LMO7: variants seen among roughly 807,000 people sequenced by gnomAD.
LMO7 encodes LIM domain 7, also known as LIM domain only protein 7.
In LMO7, 120 loss-of-function variants were observed where a neutral mutation model predicts 206.5. The ratio of observed to expected loss-of-function variants is 0.58; its 90% CI spans 0.50 to 0.68. The LOEUF (loss-of-function observed/expected upper bound fraction) is 0.68, where lower values mean the gene tolerates loss of function less well. Ranked by LOEUF, LMO7 falls within the 30% of genes least tolerant of loss-of-function variation. LMO7 has a pLI of 0.00. For missense variants in LMO7, 1,959 were observed against 1,957.9 expected, an observed-to-expected ratio of 1.00 and a Z score of -0.01; for synonymous variants, 706 against 681.5, an observed-to-expected ratio of 1.04 and a Z score of -0.56.
chr13:75,809,890 G>GGC (rs2056110708), intron 11 of LMO7, among the ~76,000 whole-genome samples: 1 of 144,398 alleles, frequency 6.9e-6, no homozygotes. Flanking sequence ...GGAGTGAAGT[G>GGC]GCGCAATCTT....
At chr13:75,761,239 A>G (rs913044809) in intron 4 of LMO7, among the ~76,000 whole-genome samples, 23 of 152,284 alleles carry the variant, frequency 1.5e-4, no homozygotes, top group African/African-American at 4.8e-4. Flanking sequence ...AACTCATAAC[A>G]TAGCATAGTC....
At chr13:75,645,785 C>T (rs1186177823) in intron 1 of LMO7, among the ~76,000 whole-genome samples, 3 of 152,162 alleles carry the variant, frequency 2.0e-5, no homozygotes, top group Non-Finnish European at 4.4e-5. Flanking sequence ...TTCCATTTCA[C>T]TTGGTGTTTC....
intron 1 of LMO7, among the ~76,000 whole-genome samples, chr13:75,708,124 T>C (rs145353445): frequency 6.6e-6 from 1 of 152,336 alleles, no homozygotes; most frequent in East Asian, 1.9e-4. Context: ...TGGCATGTAC[T>C]GTTTAACCAC....
At chr13:75,626,015 G>T (rs1332665783) in intron 2 of LMO7, among the ~76,000 whole-genome samples, 4 of 152,208 alleles carry the variant, frequency 2.6e-5, no homozygotes, top group Non-Finnish European at 5.9e-5. Flanking sequence ...TTCACATTGT[G>T]TAGAGGTGAG....
intron 14 of LMO7, among the ~76,000 whole-genome samples, chr13:75,822,730 C>T (rs1392890201): frequency 2.2e-5 from 3 of 139,280 alleles, no homozygotes; most frequent in East Asian, 2.1e-4. Flanking sequence ...TACATTACTT[C>T]GGCAGTGTGT....
chr13:75,660,252 C>T (rs1292561932), intron 1 of LMO7, among the ~76,000 whole-genome samples: 2 of 152,208 alleles, frequency 1.3e-5, no homozygotes, highest in Non-Finnish European at 2.9e-5. Context: ...TAAAAAAGTA[C>T]ACCTTAGCTG....
At position 75,823,557 on chromosome 13, in the gene LMO7, T is replaced by C. The variant is rs140740070; in HGVS notation, c.2641-8T>C. ...ATATCAAGTTTAAAATGATGTTTTC[T>C]TATTTAGATGGATGATGCTTGGAAG... On this transcript the variant is annotated splice_polypyrimidine_tract_variant and splice_region_variant and intron_variant, in intron 14 of 30. Coordinates refer to ENST00000377534, the MANE Select transcript of LMO7 (RefSeq NM_001306080.2). The C allele has an allele frequency of 1.9e-6, 3 of 1,579,182 alleles. No homozygotes were observed. In the East Asian group the frequency reaches 6.8e-5, roughly 36 times the overall value.
intron 1 of LMO7, among the ~76,000 whole-genome samples, chr13:75,707,908 A>C (rs932150079): frequency 6.6e-6 from 1 of 151,998 alleles, no homozygotes; most frequent in Non-Finnish European, 1.5e-5. Context: ...TTGCCTTTCT[A>C]TCATCTTTTT....
intron 1 of LMO7, among the ~76,000 whole-genome samples, chr13:75,679,666 G>T (rs2040311661): frequency 6.6e-6 from 1 of 152,158 alleles, no homozygotes; most frequent in Non-Finnish European, 1.5e-5. Context: ...CTGCAGCCTT[G>T]ACCTCCTGGA....
At chr13:75,822,673 G>A (rs1377416238) in intron 14 of LMO7, among the ~76,000 whole-genome samples, 2 of 149,938 alleles carry the variant, frequency 1.3e-5, no homozygotes, top group African/African-American at 2.5e-5. Context: ...TAAAAACATC[G>A]AAAATATCTA....
intron 1 of LMO7, among the ~76,000 whole-genome samples, chr13:75,649,323 G>A (rs759693029): frequency 5.9e-5 from 9 of 152,166 alleles, no homozygotes; most frequent in Non-Finnish European, 1.3e-4. Flanking sequence ...TCTGTTAGGA[G>A]GACAGGAAGA....
chr13:75,785,211 A>G (rs1486891754), intron 4 of LMO7, among the ~76,000 whole-genome samples: 1 of 152,180 alleles, frequency 6.6e-6, no homozygotes, highest in African/African-American at 2.4e-5. Flanking sequence ...TTTGGGATTA[A>G]GAAAGAAGTA....
intron 2 of LMO7, among the ~76,000 whole-genome samples, chr13:75,625,259 G>A (rs1202273109): frequency 6.6e-6 from 1 of 152,162 alleles, no homozygotes; most frequent in East Asian, 1.9e-4. Context: ...TATTTATGCA[G>A]TATTATTTCT....
At position 75,704,033 on chromosome 13, in the gene LMO7, G is replaced by C. The variant is rs78842133; in HGVS notation, c.70-9149G>C. Among the ~76,000 whole-genome samples, 1,427 of 152,238 alleles carry C rather than the reference G, an allele frequency of 9.4e-3. 21 individuals carry two copies. The highest frequency in any genetic ancestry group is 0.056 in the East Asian group (291 of 5,184). On this transcript the variant is annotated intron_variant, in intron 1 of 30. Coordinates refer to ENST00000377534, the MANE Select transcript of LMO7 (RefSeq NM_001306080.2). ...TTATTATAAAAATTTGATGTGTTTT[G>C]TGGAGTCATGGAGATCATATAATGG...
chr13:75,776,128 T>TACATAC (rs151121121), intron 4 of LMO7, among the ~76,000 whole-genome samples: 25 of 82,722 alleles, frequency 3.0e-4, no homozygotes, highest in South Asian at 8.3e-4. Context: ...CATACATACA[T>TACATAC]ATATATATAT....
intron 1 of LMO7, among the ~76,000 whole-genome samples, chr13:75,672,308 C>T (rs1231207955): frequency 6.8e-6 from 1 of 148,142 alleles, no homozygotes; most frequent in Non-Finnish European, 1.5e-5. Flanking sequence ...ATGGCACAAT[C>T]TCCACTCACC....
At chr13:75,731,764 G>T (rs1487288006) in intron 3 of LMO7, among the ~76,000 whole-genome samples, 1 of 152,090 alleles carries the variant, frequency 6.6e-6, no homozygotes, top group Non-Finnish European at 1.5e-5. Context: ...GTGGCGGCTG[G>T]TATCAGTTGT....
chr13:75,636,606 A>T lies in LMO7; in HGVS notation c.-52A>T. ...CGTGGGGCCCAGACGCGCGGGGACA[A>T]CCCCTCCCCTCCACGCATCCCGAGT... is the stretch of plus-strand genomic sequence containing the variant. On this transcript the variant is annotated 5_prime_UTR_variant, in exon 1 of 31. Coordinates refer to ENST00000377534, the MANE Select transcript of LMO7 (RefSeq NM_001306080.2). The T allele has an allele frequency of 1.3e-6, 2 of 1,544,874 alleles. No homozygotes were observed. Among genetic ancestry groups the T allele is most frequent in the African/African-American group, 1.4e-5 (1 of 73,020 alleles).
chr13:75,661,562 G>A (rs540722194), intron 1 of LMO7, among the ~76,000 whole-genome samples: 1 of 152,262 alleles, frequency 6.6e-6, no homozygotes, highest in African/African-American at 2.4e-5. Flanking sequence ...AAGGAAAAGG[G>A]CCAGATTCCA....
Sources: allele counts gnomAD v4.1 joint callset (sites outside exome capture counted in the v4.1 genomes callset), GRCh38; gene constraint gnomAD v4.1.1; transcripts MANE v1.5; gene names NCBI Gene and HGNC (gene_info 2026-07-23, HGNC 2026-07-21).